PACRG: variants seen among roughly 807,000 people sequenced by gnomAD.
The protein encoded by PACRG is parkin coregulated.
Under a neutral mutation model 29.7 loss-of-function variants are expected in PACRG, and 29 were observed. That is an observed-to-expected ratio of 0.98 (90% CI 0.73 to 1.33). The LOEUF is 1.33. Among genes scored for constraint, PACRG ranks in the 40% most tolerant of loss-of-function variants. PACRG has a pLI of 0.00. For synonymous variants in PACRG, 116 were observed against 118.7 expected (o/e 0.98, Z 0.15); for missense variants, 279 against 316.2 (o/e 0.88, Z 0.89).
chr6:163,103,907 C>A (rs1391680823), intron 4 of PACRG, among the ~76,000 whole-genome samples: 1 of 152,170 alleles, frequency 6.6e-6, no homozygotes. Flanking sequence ...AGGAATGAAC[C>A]AAAGCCAGCA....
At chr6:163,211,499 C>T (rs1014086738) in intron 4 of PACRG, among the ~76,000 whole-genome samples, 5 of 151,896 alleles carry the variant, frequency 3.3e-5, no homozygotes, top group South Asian at 2.1e-4. Flanking sequence ...GCACCTTTAC[C>T]GTATTTGATT....
At chr6:163,166,280 C>A (rs1034136836) in intron 4 of PACRG, 29 of 435,878 alleles carry the variant, frequency 6.7e-5, no homozygotes, top group East Asian at 6.5e-4. Context: ...ACAACAACAA[C>A]AAAAAAATGT....
At chr6:162,883,314 C>A (rs1794060464) in intron 2 of PACRG, among the ~76,000 whole-genome samples, 1 of 152,108 alleles carries the variant, frequency 6.6e-6, no homozygotes. Flanking sequence ...CTTGTTGGGG[C>A]CCGCTGCCTA....
At chr6:162,846,715 T>C (rs1790412052) in intron 2 of PACRG, among the ~76,000 whole-genome samples, 1 of 152,218 alleles carries the variant, frequency 6.6e-6, no homozygotes, top group South Asian at 2.1e-4. Flanking sequence ...TCCCTACCCC[T>C]TTCATCCACT....
At chr6:163,224,126 T>G (rs1781691942) in intron 4 of PACRG, among the ~76,000 whole-genome samples, 1 of 151,852 alleles carries the variant, frequency 6.6e-6, no homozygotes. Context: ...CCTAGCACTT[T>G]AGGAGGCCAA....
intron 4 of PACRG, among the ~76,000 whole-genome samples, chr6:163,165,033 G>A (rs547623060): frequency 2.0e-5 from 3 of 152,072 alleles, no homozygotes; most frequent in South Asian, 4.1e-4. Context: ...TGCCTTACAC[G>A]TATGTTAGGG....
chr6:163,052,283 G>C (rs1353784727), intron 2 of PACRG, among the ~76,000 whole-genome samples: 1 of 152,132 alleles, frequency 6.6e-6, no homozygotes, highest in African/African-American at 2.4e-5. Flanking sequence ...TATATTAATA[G>C]ATAATTATAC....
At position 163,087,865 on chromosome 6, in the gene PACRG, G is replaced by A. The variant is rs193154224; in HGVS notation, c.464-1394G>A. ...AGACTGGGACCGGAGCAGAGGAGGT[G>A]AGGATGGAGACCAGGACCAGAGGAG... On this transcript the variant is annotated intron_variant, in intron 3 of 4. Coordinates refer to ENST00000366888, the MANE Select transcript of PACRG (RefSeq NM_001080379.2). Among the ~76,000 whole-genome samples, 161 of 151,966 alleles carry A rather than the reference G, an allele frequency of 1.1e-3. 1 individual carries two copies. Among genetic ancestry groups the A allele is most frequent in the African/African-American group, 3.8e-3 (157 of 41,426 alleles).
intron 4 of PACRG, among the ~76,000 whole-genome samples, chr6:163,197,097 A>C (rs1035832715): frequency 4.2e-4 from 64 of 152,212 alleles, no homozygotes; most frequent in African/African-American, 1.4e-3. Flanking sequence ...ACTTTTAAAA[A>C]CTTGAACCTA....
chr6:162,807,070 A>G (rs985110816), intron 1 of PACRG, among the ~76,000 whole-genome samples: 3 of 152,158 alleles, frequency 2.0e-5, no homozygotes, highest in African/African-American at 7.2e-5. Flanking sequence ...ATCAACCTCT[A>G]CTAGCTTCAC....
At chr6:163,117,653 T>G (rs1187098283) in intron 4 of PACRG, among the ~76,000 whole-genome samples, 1 of 149,824 alleles carries the variant, frequency 6.7e-6, no homozygotes, top group Admixed American at 6.7e-5. Flanking sequence ...CAGGAGGCTG[T>G]GGCAGGAGAA....
At chr6:162,976,775 T>C (rs531966323) in intron 2 of PACRG, among the ~76,000 whole-genome samples, 3 of 152,036 alleles carry the variant, frequency 2.0e-5, no homozygotes, top group Non-Finnish European at 4.4e-5. Context: ...ATGACAAATA[T>C]TGAAAAGAAG....
intron 2 of PACRG, among the ~76,000 whole-genome samples, chr6:163,005,772 A>G (rs1398741992): frequency 6.7e-6 from 1 of 149,852 alleles, no homozygotes; most frequent in Non-Finnish European, 1.5e-5. Flanking sequence ...TTTTATATAT[A>G]TATAAAACGT....
chr6:163,218,523 A>C (rs1781454865), intron 4 of PACRG, among the ~76,000 whole-genome samples: 1 of 151,286 alleles, frequency 6.6e-6, no homozygotes, highest in Admixed American at 6.6e-5. Flanking sequence ...TCTGCAACCC[A>C]CTCCAGTTAT....
At chr6:162,967,250 G>GAAAA (rs11319991) in intron 2 of PACRG, among the ~76,000 whole-genome samples, 4 of 150,112 alleles carry the variant, frequency 2.7e-5, no homozygotes, top group Non-Finnish European at 3.0e-5. Flanking sequence ...TACTAAAACT[G>GAAAA]AAAAAAAAAA....
At chr6:163,023,549 G>GT (rs1049640883) in intron 2 of PACRG, among the ~76,000 whole-genome samples, 1 of 152,144 alleles carries the variant, frequency 6.6e-6, no homozygotes, top group East Asian at 1.9e-4. Flanking sequence ...AGTGTATGTG[G>GT]TTTTTTTGGT....
At chr6:163,251,789 A>C (rs1326262214) in intron 4 of PACRG, among the ~76,000 whole-genome samples, 1 of 152,224 alleles carries the variant, frequency 6.6e-6, no homozygotes, top group Non-Finnish European at 1.5e-5. Context: ...GCCTTTGGAA[A>C]ATAAGAAATG....
chr6:163,125,559 G>A (rs1816481498), intron 4 of PACRG, among the ~76,000 whole-genome samples: 1 of 152,060 alleles, frequency 6.6e-6, no homozygotes, highest in African/African-American at 2.4e-5. Flanking sequence ...ATAAGAAAAA[G>A]ACACACAACT....
intron 2 of PACRG, among the ~76,000 whole-genome samples, chr6:162,834,467 A>G (rs1300869767): frequency 6.6e-6 from 1 of 152,086 alleles, no homozygotes; most frequent in Non-Finnish European, 1.5e-5. Flanking sequence ...GCTACATGCC[A>G]TTTCCCAAAT....
Sources: allele counts gnomAD v4.1 joint callset (sites outside exome capture counted in the v4.1 genomes callset), GRCh38; gene constraint gnomAD v4.1.1; transcripts MANE v1.5; gene names NCBI Gene and HGNC (gene_info 2026-07-23, HGNC 2026-07-21).